KDM4C: variants seen among roughly 807,000 people sequenced by gnomAD.
KDM4C encodes the protein lysine-specific demethylase 4C.
In KDM4C, 81 loss-of-function variants were observed where a neutral mutation model predicts 129.3. The ratio of observed to expected loss-of-function variants is 0.63; its 90% CI spans 0.52 to 0.75. The LOEUF is 0.75. KDM4C is among the 30% of genes least tolerant of loss of function. The pLI, the probability that KDM4C is intolerant of heterozygous loss-of-function variation, is 0.00. For synonymous variants in KDM4C, 573 were observed against 456.1 expected (o/e 1.26, Z -3.26); for missense variants, 1,457 against 1,304.0 (o/e 1.12, Z -1.81).
At chr9:7,046,416 A>G (rs1291316301) in intron 15 of KDM4C, among the ~76,000 whole-genome samples, 1 of 151,996 alleles carries the variant, frequency 6.6e-6, no homozygotes, top group Non-Finnish European at 1.5e-5. Flanking sequence ...TCCTTGTAGT[A>G]GAAAAAAGCC....
chr9:6,943,779 A>G (rs1826392237), intron 8 of KDM4C, among the ~76,000 whole-genome samples: 2 of 152,224 alleles, frequency 1.3e-5, no homozygotes, highest in Non-Finnish European at 2.9e-5. Context: ...TGGGAATGGA[A>G]GGCCTTCTGT....
At chr9:6,979,620 C>G (rs527960489) in intron 8 of KDM4C, among the ~76,000 whole-genome samples, 1 of 152,068 alleles carries the variant, frequency 6.6e-6, no homozygotes, top group Non-Finnish European at 1.5e-5. Flanking sequence ...TTATTGAACT[C>G]AGGAATGAAA....
intron 1 of KDM4C, among the ~76,000 whole-genome samples, chr9:6,721,664 C>G (rs1816959288): frequency 1.3e-5 from 2 of 150,172 alleles, no homozygotes; most frequent in African/African-American, 4.9e-5. Context: ...TCTCGGCTCA[C>G]TGCAACCTCC....
intron 2 of KDM4C, among the ~76,000 whole-genome samples, chr9:6,798,492 C>G (rs907487702): frequency 6.6e-6 from 1 of 151,982 alleles, no homozygotes; most frequent in Admixed American, 6.6e-5. Context: ...ACATCTTGCA[C>G]CGCCCTTAAT....
chr9:6,894,539 TATA>T (rs1210008058), intron 8 of KDM4C, among the ~76,000 whole-genome samples: 1 of 152,236 alleles, frequency 6.6e-6, no homozygotes, highest in Non-Finnish European at 1.5e-5. Context: ...TACTTACAGA[TATA>T]AGTCAGCTAT....
At position 6,990,514 on chromosome 9, in the gene KDM4C, A is replaced by G. The variant is rs1554683493; in HGVS notation, c.1776A>G (p.Pro592=). The G allele has an allele frequency of 1.2e-6, 2 of 1,607,140 alleles. No individual in the cohort carries two copies. The highest frequency in any genetic ancestry group is 1.7e-6 in the Non-Finnish European group (2 of 1,175,918). ...SPMTLVKQQA[P]SDEELPEVLS... ...TGACTCTTGTGAAGCAGCAGGCGCC[A>G]AGTGATGAAGGTGAGATGGTGACCC... is the stretch of plus-strand genomic sequence containing the variant. Residue 592 remains proline, a synonymous_variant, in exon 12 of 22, where the codon CCA becomes CCG. Transcript: ENST00000381309.
chr9:7,086,105 C>G (rs1247351742), intron 17 of KDM4C, among the ~76,000 whole-genome samples: 1 of 152,156 alleles, frequency 6.6e-6, no homozygotes, highest in Non-Finnish European at 1.5e-5. Context: ...TTGCAGTGAG[C>G]CGAGATCATG....
At chr9:6,752,479 C>T (rs1252118088) in intron 1 of KDM4C, among the ~76,000 whole-genome samples, 3 of 145,740 alleles carry the variant, frequency 2.1e-5, no homozygotes, top group African/African-American at 7.6e-5. Flanking sequence ...GGCATGATCT[C>T]GGCTTACTGC....
At chr9:6,817,325 C>T (rs1261606901) in intron 4 of KDM4C, among the ~76,000 whole-genome samples, 1 of 151,636 alleles carries the variant, frequency 6.6e-6, no homozygotes, top group African/African-American at 2.4e-5. Flanking sequence ...CCTCCACCTC[C>T]TATGTAGCTG....
At chr9:6,829,150 A>G (rs1244265075) in intron 4 of KDM4C, among the ~76,000 whole-genome samples, 2 of 152,232 alleles carry the variant, frequency 1.3e-5, no homozygotes, top group African/African-American at 2.4e-5. Context: ...AACAACACAC[A>G]CTATACAGGC....
intron 1 of KDM4C, among the ~76,000 whole-genome samples, chr9:6,725,972 G>T (rs1170489572): frequency 6.7e-6 from 1 of 150,030 alleles, no homozygotes; most frequent in Non-Finnish European, 1.5e-5. Flanking sequence ...TGTTGCCCAG[G>T]CTGGAGTGCA....
At chr9:6,841,118 T>C (rs1836839696) in intron 4 of KDM4C, among the ~76,000 whole-genome samples, 1 of 152,246 alleles carries the variant, frequency 6.6e-6, no homozygotes, top group Admixed American at 6.5e-5. Flanking sequence ...CTCAGATTCT[T>C]ACAGAATCTA....
chr9:6,811,544 C>G (rs1424948620), intron 3 of KDM4C, among the ~76,000 whole-genome samples: 1 of 151,996 alleles, frequency 6.6e-6, no homozygotes, highest in Admixed American at 6.6e-5. Flanking sequence ...GCAATGTAGT[C>G]CAAAGAAAAC....
chr9:7,102,471 G>A (rs1227686859), intron 17 of KDM4C, among the ~76,000 whole-genome samples: 2 of 152,044 alleles, frequency 1.3e-5, no homozygotes, highest in Non-Finnish European at 2.9e-5. Flanking sequence ...TGAAATAAAG[G>A]ATGGAGATAC....
At chr9:7,043,165 T>C (rs1828870044) in intron 15 of KDM4C, among the ~76,000 whole-genome samples, 1 of 152,040 alleles carries the variant, frequency 6.6e-6, no homozygotes, top group African/African-American at 2.4e-5. Flanking sequence ...GTGAAGTATA[T>C]GAAATTTTTG....
chr9:6,830,528 A>G (rs1450243843), intron 4 of KDM4C, among the ~76,000 whole-genome samples: 1 of 152,236 alleles, frequency 6.6e-6, no homozygotes, highest in East Asian at 1.9e-4. Context: ...TAAGAGAAAG[A>G]TGTCACTAAA....
chr9:6,746,266 T>TGG (rs1817870632), intron 1 of KDM4C, among the ~76,000 whole-genome samples: 1 of 84,342 alleles, frequency 1.2e-5, no homozygotes, highest in African/African-American at 6.0e-5. Context: ...ATATATGTTT[T>TGG]TTTTTTTTTT....
intron 5 of KDM4C, among the ~76,000 whole-genome samples, chr9:6,874,097 C>A (rs1264420545): frequency 6.6e-6 from 1 of 152,156 alleles, no homozygotes; most frequent in Non-Finnish European, 1.5e-5. Flanking sequence ...GATGACACAT[C>A]ACCATAACAG....
intron 1 of KDM4C, among the ~76,000 whole-genome samples, chr9:6,751,767 G>T (rs796243566): frequency 1.6e-4 from 24 of 152,252 alleles, no homozygotes; most frequent in African/African-American, 5.8e-4. Flanking sequence ...GTATTATAAA[G>T]CTGCAGGCTG....
Sources: allele counts gnomAD v4.1 joint callset (sites outside exome capture counted in the v4.1 genomes callset), GRCh38; gene constraint gnomAD v4.1.1; transcripts MANE v1.5; gene names NCBI Gene and HGNC (gene_info 2026-07-23, HGNC 2026-07-21).